The following RNF24 variants were observed in gnomAD, a reference collection of about 807,000 sequenced individuals.
The protein encoded by RNF24 is ring finger protein 24.
Under a neutral mutation model 20.0 loss-of-function variants are expected in RNF24, and 14 were observed. The observed-to-expected ratio is 0.70, with a 90% CI of 0.46 to 1.10. RNF24 has a LOEUF of 1.10. Ranked by LOEUF, RNF24 falls within the 50% of genes least tolerant of loss-of-function variation. The probability of loss-of-function intolerance (pLI) is 0.00; values close to 1 mark genes in which losing one functional copy is unlikely to be tolerated. For synonymous variants in RNF24, 45 were observed against 61.1 expected, an observed-to-expected ratio of 0.74 and a Z score of 1.23; for missense variants, 124 against 177.6, an observed-to-expected ratio of 0.70 and a Z score of 1.71.
chr20:3,964,055 T>A, intron 1 of RNF24, 31 bp from the exon 2 acceptor site: 1 of 1,603,858 alleles, frequency 6.2e-7, no homozygotes, highest in Non-Finnish European at 8.5e-7. Context: ...GGAAAAAAAA[T>A]AGGTAAAGAC....
At chr20:3,970,259 T>C (rs2091301515) in intron 1 of RNF24, among the ~76,000 whole-genome samples, 1 of 152,004 alleles carries the variant, frequency 6.6e-6, no homozygotes, top group Admixed American at 6.6e-5. Flanking sequence ...GCCCCCCATG[T>C]CAATAAAGGC....
chr20:4,014,224 G>A (rs1173132384), intron 1 of RNF24, among the ~76,000 whole-genome samples: 3 of 152,122 alleles, frequency 2.0e-5, no homozygotes, highest in African/African-American at 7.2e-5. Flanking sequence ...CGCATGCCAG[G>A]GTAATATGCA....
chr20:3,975,316 A>G (rs1978772175), intron 1 of RNF24, among the ~76,000 whole-genome samples: 1 of 152,208 alleles, frequency 6.6e-6, no homozygotes, highest in Non-Finnish European at 1.5e-5. Flanking sequence ...CAAAAAACCT[A>G]AGAGAAGATA....
In RNF24 at chr20:3,948,927, A is replaced by G. The variant is rs565689845; in HGVS notation, c.144-648T>C. Among the ~76,000 whole-genome samples the G allele has an allele frequency of 3.9e-5, 6 of 152,330 alleles. No individual in the cohort carries two copies. In the East Asian group the frequency reaches 1.2e-3, roughly 29 times the overall value. On this transcript the variant is annotated intron_variant, in intron 2 of 5. Coordinates refer to ENST00000358395, the MANE Select transcript of RNF24 (RefSeq NM_001134337.3). ...TACAGTATTCCATTGTATGAATATA[A>G]TACCATTTATTTATCCATTTTACTG...
intron 1 of RNF24, among the ~76,000 whole-genome samples, chr20:4,013,399 A>T (rs1472016812): frequency 6.6e-6 from 1 of 152,226 alleles, no homozygotes; most frequent in African/African-American, 2.4e-5. Context: ...AAGAAAACAG[A>T]ACCCATACAA....
chr20:3,973,471 T>A (rs1600676105), intron 1 of RNF24, among the ~76,000 whole-genome samples: 2 of 86,136 alleles, frequency 2.3e-5, no homozygotes, highest in Non-Finnish European at 2.3e-5. Context: ...AAATGATCAG[T>A]AACACTGACA....
chr20:3,976,579 T>G (rs190275865), intron 1 of RNF24, among the ~76,000 whole-genome samples: 1 of 152,194 alleles, frequency 6.6e-6, no homozygotes, highest in African/African-American at 2.4e-5. Flanking sequence ...TCAACACAAA[T>G]GTTCATAGCA....
At chr20:3,939,478 G>A (rs555046825) in intron 4 of RNF24, among the ~76,000 whole-genome samples, 3 of 152,250 alleles carry the variant, frequency 2.0e-5, no homozygotes, top group African/African-American at 7.2e-5. Flanking sequence ...AATTGTCTTG[G>A]CACCCTTGTT....
At chr20:3,996,138 C>T (rs1397989934) in intron 1 of RNF24, among the ~76,000 whole-genome samples, 4 of 152,240 alleles carry the variant, frequency 2.6e-5, no homozygotes, top group South Asian at 2.1e-4. Context: ...GGTCACAGTA[C>T]GTCAAGAGTT....
intron 2 of RNF24, among the ~76,000 whole-genome samples, chr20:3,951,487 C>A (rs928930056): frequency 3.3e-5 from 5 of 152,132 alleles, no homozygotes; most frequent in Admixed American, 2.6e-4. Flanking sequence ...TTAGCATCCA[C>A]CTTGCTTGCA....
intron 4 of RNF24, among the ~76,000 whole-genome samples, chr20:3,938,572 T>G (rs1369694162): frequency 6.6e-6 from 1 of 152,178 alleles, no homozygotes; most frequent in Non-Finnish European, 1.5e-5. Context: ...ATGAAAAGAC[T>G]GGGAGAAAAT....
chr20:3,985,331 C>G (rs1228514086), intron 1 of RNF24, among the ~76,000 whole-genome samples: 1 of 152,182 alleles, frequency 6.6e-6, no homozygotes, highest in African/African-American at 2.4e-5. Context: ...ACCAGCAATC[C>G]TCCTGCTTCA....
intron 1 of RNF24, among the ~76,000 whole-genome samples, chr20:3,978,418 C>A (rs1465979057): frequency 6.6e-6 from 1 of 152,010 alleles, no homozygotes; most frequent in Non-Finnish European, 1.5e-5. Context: ...ATATTCCCAA[C>A]AGAGAAAAAT....
At chr20:3,959,111 C>A (rs2091174287) in intron 2 of RNF24, among the ~76,000 whole-genome samples, 1 of 152,216 alleles carries the variant, frequency 6.6e-6, no homozygotes. Flanking sequence ...ACATGACCTC[C>A]TATTTCCAGA....
chr20:4,003,164 T>C (rs1478827186), intron 1 of RNF24, among the ~76,000 whole-genome samples: 1 of 152,006 alleles, frequency 6.6e-6, no homozygotes, highest in African/African-American at 2.4e-5. Flanking sequence ...AGAGACAGGG[T>C]TTCACCATCT....
At position 3,928,400 on chromosome 20, in the gene RNF24, C is replaced by CA. The variant is rs1394933904; in HGVS notation, c.*5662_*5663insT. On this transcript the variant is annotated 3_prime_UTR_variant, in exon 6 of 6. Coordinates refer to ENST00000358395, the MANE Select transcript of RNF24 (RefSeq NM_001134337.3). ...CGAGGCACAAGTCTGTGCCCCTACT[C>CA]CCAGGGCTGCCTGGAGGAAGCAGCT... 7 of 152,152 alleles carry CA rather than the reference C, an allele frequency of 4.6e-5. No individual in the cohort carries two copies. The highest frequency in any genetic ancestry group is 1.3e-4 in the Admixed American group (2 of 15,272). 9.4% of individuals were successfully genotyped at this position (152,152 alleles called of 1,614,324 possible).
chr20:3,952,710 C>T (rs2091095618), intron 2 of RNF24, among the ~76,000 whole-genome samples: 1 of 151,048 alleles, frequency 6.6e-6, no homozygotes, highest in Non-Finnish European at 1.5e-5. Flanking sequence ...TGTAGATACT[C>T]TTTCAAATTT....
chr20:3,950,840 A>C (rs1361741536), intron 2 of RNF24, among the ~76,000 whole-genome samples: 1 of 152,200 alleles, frequency 6.6e-6, no homozygotes, highest in Non-Finnish European at 1.5e-5. Flanking sequence ...ATTATTAACT[A>C]AACTACAGAC....
intron 4 of RNF24, among the ~76,000 whole-genome samples, chr20:3,938,327 C>A (rs1397761590): frequency 6.6e-6 from 1 of 152,098 alleles, no homozygotes; most frequent in Non-Finnish European, 1.5e-5. Context: ...TATCAGATAG[C>A]CAACTAATTT....
Sources: allele counts gnomAD v4.1 joint callset (sites outside exome capture counted in the v4.1 genomes callset), GRCh38; gene constraint gnomAD v4.1.1; transcripts MANE v1.5; gene names NCBI Gene and HGNC (gene_info 2026-07-23, HGNC 2026-07-21).